Variants in PLEKHD1 observed in about 807,000 individuals in gnomAD.
PLEKHD1 encodes pleckstrin homology domain-containing family D member 1.
PLEKHD1 carries 51 observed loss-of-function variants against 69.2 expected under a neutral mutation model. The ratio of observed to expected loss-of-function variants is 0.74; its 90% CI spans 0.59 to 0.93. PLEKHD1 has a LOEUF of 0.93. Ranked by LOEUF, PLEKHD1 falls within the 40% of genes least tolerant of loss-of-function variation. The pLI is 0.00. For missense variants in PLEKHD1, 584 were observed against 641.0 expected (o/e 0.91, Z 0.96); for synonymous variants, 236 against 244.7 (o/e 0.96, Z 0.33).
chr14:69,483,181 G>T (rs1326337727), upstream of PLEKHD1, among the ~76,000 whole-genome samples: 1 of 152,132 alleles, frequency 6.6e-6, no homozygotes, highest in African/African-American at 2.4e-5. Flanking sequence ...GAATTCAGAT[G>T]GGCACTTCTT....
intron 1 of PLEKHD1, among the ~76,000 whole-genome samples, chr14:69,498,033 TTTTATTTTATTTTATTTTATTTTA>T (rs1199266010): frequency 1.5e-5 from 2 of 135,474 alleles, no homozygotes; most frequent in African/African-American, 5.9e-5. Flanking sequence ...TTTTATTTTG[TTTTATTTTATTTTATTTTATTTTA>T]TTTATTTTAT....
intron 1 of PLEKHD1, among the ~76,000 whole-genome samples, chr14:69,496,293 A>G (rs1882886398): frequency 6.6e-6 from 1 of 152,222 alleles, no homozygotes; most frequent in Non-Finnish European, 1.5e-5. Context: ...ACAGGAAGGC[A>G]TAAAGGTATT....
intron 1 of PLEKHD1, among the ~76,000 whole-genome samples, chr14:69,487,414 G>A (rs767916492): frequency 2.0e-5 from 3 of 152,244 alleles, no homozygotes; most frequent in African/African-American, 7.2e-5. Flanking sequence ...GAGCAGCTGA[G>A]GGCCGCCACC....
intron 6 of PLEKHD1, among the ~76,000 whole-genome samples, chr14:69,518,268 T>C (rs1410761271): frequency 1.3e-5 from 2 of 152,132 alleles, no homozygotes; most frequent in Non-Finnish European, 2.9e-5. Context: ...CTTGAACTCC[T>C]GAGCTCAAGC....
At chr14:69,502,238 G>A (rs2139507291) in intron 5 of PLEKHD1, 1 of 182,124 alleles carries the variant, frequency 5.5e-6, no homozygotes, top group East Asian at 1.4e-4. Flanking sequence ...CATAAGTGGA[G>A]TTGATGTTGT....
intron 6 of PLEKHD1, among the ~76,000 whole-genome samples, chr14:69,516,459 A>G (rs568323192): frequency 6.6e-6 from 1 of 152,242 alleles, no homozygotes; most frequent in African/African-American, 2.4e-5. Flanking sequence ...CTGCCTTTTC[A>G]TTATACTTTT....
upstream of PLEKHD1, among the ~76,000 whole-genome samples, chr14:69,483,785 G>A (rs1882591170): frequency 6.6e-6 from 1 of 152,252 alleles, no homozygotes; most frequent in African/African-American, 2.4e-5. Context: ...TCACTGCGCG[G>A]TCTCCACGCC....
chr14:69,509,583 TAG>T (rs1883224696), intron 6 of PLEKHD1, among the ~76,000 whole-genome samples: 2 of 152,182 alleles, frequency 1.3e-5, no homozygotes, highest in Admixed American at 1.3e-4. Context: ...AAGGTCTGTG[TAG>T]AGTCTTTTTT....
chr14:69,491,756 AG>A (rs1882781473), intron 1 of PLEKHD1, among the ~76,000 whole-genome samples: 1 of 151,976 alleles, frequency 6.6e-6, no homozygotes, highest in African/African-American at 2.4e-5. Flanking sequence ...AGCACTGGGG[AG>A]GGGGGCAGAA....
chr14:69,524,376 C>T (rs977919289), intron 8 of PLEKHD1, 54 bp downstream of exon 8: 4 of 1,421,686 alleles, frequency 2.8e-6, no homozygotes, highest in East Asian at 5.0e-5. Context: ...TTGGTTGGAC[C>T]ACATGACACT....
At position 69,500,655 on chromosome 14, in the gene PLEKHD1, C is replaced by A. The variant is rs1462681751; in HGVS notation, c.322C>A (p.Gln108Lys). Residue 108 changes from glutamine (Q) to lysine (K), a missense_variant, in exon 3 of 13, where the codon CAG (glutamine) becomes AAG (lysine). By Grantham distance (53) the Gln-to-Lys change is moderately conservative. Transcript: ENST00000322564. The stretch of plus-strand genomic sequence containing the variant: ...GCCCTATGCCATGAAGATCTCCCAC[C>A]AGGACTTCCATGTGAGTAAAGCTCT... ...SMPYAMKISH[Q>K]DFHGNILLAA... is the part of the protein sequence containing the mutation. 6.4e-7 allele frequency: 1 copy of A among 1,551,272 alleles called. No homozygotes were observed. The highest frequency in any genetic ancestry group is 1.4e-5 in the African/African-American group (1 of 73,058).
chr14:69,484,070 G>A (rs372952383), upstream of PLEKHD1, among the ~76,000 whole-genome samples: 1 of 152,262 alleles, frequency 6.6e-6, no homozygotes, highest in African/African-American at 2.4e-5. Context: ...GTTCCAGGAA[G>A]AGAAATCCGA....
intron 6 of PLEKHD1, among the ~76,000 whole-genome samples, chr14:69,504,400 G>A (rs540329145): frequency 3.3e-5 from 5 of 152,256 alleles, no homozygotes; most frequent in Admixed American, 1.3e-4. Flanking sequence ...TGACTCTTAG[G>A]AAGTCCTCAG....
chr14:69,513,823 G>C (rs140006398), intron 6 of PLEKHD1, among the ~76,000 whole-genome samples: 1,921 of 152,256 alleles, frequency 0.013, 45 homozygotes, highest in African/African-American at 0.044. Flanking sequence ...GTCTGAGAAA[G>C]TATTCCTCCT....
rs1439681901 is a variant in PLEKHD1, at chr14:69,522,331, G to C, written c.604G>C (p.Glu202Gln). Residue 202 changes from glutamate to glutamine, a missense_variant, in exon 7 of 13, where the codon GAG becomes CAG. Transcript: ENST00000322564. ...GCTGGAGGCCGAGAAGCAGCAGTTC[G>C]AGGAGGTGGTGCAGGAGCTGAGAAT... ...QVLEAEKQQF[E>Q]EVVQELRMEQ... The C allele has an allele frequency of 5.2e-6, 8 of 1,551,584 alleles. No individual in the cohort carries two copies. The South Asian group carries it at 8.3e-5, about 16-fold the overall frequency.
Position 69,528,475 on chromosome 14 carries a change from G to A in PLEKHD1, c.*56G>A. ...CCCTGGATGGGCGGGGGAGGGGAAG[G>A]GGTGGCAGAGGGAGGCCTCACTCTA... On this transcript the variant is annotated 3_prime_UTR_variant, in exon 13 of 13. Coordinates refer to ENST00000322564, the MANE Select transcript of PLEKHD1 (RefSeq NM_001161498.2). 1.3e-6 allele frequency: 2 copies of A among 1,519,056 alleles called. No individual in the cohort carries two copies. The highest frequency in any genetic ancestry group is 1.8e-6 in the Non-Finnish European group (2 of 1,132,260). The allele number at this position is 1,519,056 out of a possible 1,614,324, so 94.1% of individuals were successfully genotyped here.
chr14:69,506,618 T>TA (rs1883155454), intron 6 of PLEKHD1, among the ~76,000 whole-genome samples: 1 of 152,216 alleles, frequency 6.6e-6, no homozygotes, highest in African/African-American at 2.4e-5. Flanking sequence ...ACGCAGCAAA[T>TA]ACAGAGATTT....
Position 69,531,500 on chromosome 14 carries a change from A to G in PLEKHD1, c.*3081A>G, listed in dbSNP as rs1278998792. The G allele has an allele frequency of 1.3e-5, 2 of 152,250 alleles. No individual in the cohort carries two copies. Among genetic ancestry groups the G allele is most frequent in the African/African-American group, 4.8e-5 (2 of 41,466 alleles). 9.4% of individuals were successfully genotyped at this position (152,250 alleles called of 1,614,324 possible). A position where few individuals can be genotyped will look rare whatever the true frequency, so the allele number is the denominator to read the frequency against. The stretch of plus-strand genomic sequence containing the variant: ...GTTGATGTAATTTTTTTAATTTTTA[A>G]AAACAAAACTCTTATTCCTTGGCCA... On this transcript the variant is annotated 3_prime_UTR_variant, in exon 13 of 13. Coordinates refer to ENST00000322564, the MANE Select transcript of PLEKHD1 (RefSeq NM_001161498.2).
At chr14:69,524,683 C>A (rs931468862) in intron 8 of PLEKHD1, among the ~76,000 whole-genome samples, 3 of 152,172 alleles carry the variant, frequency 2.0e-5, no homozygotes, top group African/African-American at 7.2e-5. Flanking sequence ...GTTCGCTTAG[C>A]TGCTCCTGAG....
Sources: gnomAD v4.1 joint callset for allele counts (sites outside exome capture counted in the v4.1 genomes callset) on GRCh38, gnomAD v4.1.1 for gene constraint, MANE v1.5 for transcripts, NCBI Gene and HGNC (gene_info 2026-07-23, HGNC 2026-07-21) for gene names.